The following TRMT11 variants were observed in gnomAD, a reference collection of about 807,000 sequenced individuals.
TRMT11 encodes tRNA (guanine(10)-N(2))-methyltransferase TRMT11.
In TRMT11, 53 loss-of-function variants were observed where a neutral mutation model predicts 62.8. The ratio of observed to expected loss-of-function variants is 0.84; its 90% confidence interval spans 0.68 to 1.06. The LOEUF (loss-of-function observed/expected upper bound fraction) is 1.06, where lower values mean the gene tolerates loss of function less well. TRMT11 is among the 50% of genes least tolerant of loss of function. The pLI, the probability that TRMT11 is intolerant of heterozygous loss-of-function variation, is 0.00. For synonymous variants in TRMT11, 188 were observed against 190.3 expected (o/e 0.99, Z 0.10); for missense variants, 556 against 553.4 (o/e 1.00, Z -0.05).
chr6:126,254,159 C>T, the TRMT11 span, among the ~76,000 whole-genome samples: 1 of 152,174 alleles, frequency 6.6e-6, no homozygotes, highest in Non-Finnish European at 1.5e-5. Flanking sequence ...CTTTAGTACA[C>T]AGAGAATGGC....
chr6:126,102,584 G>A (rs1777414403), intron 17 of TRMT11, among the ~76,000 whole-genome samples: 1 of 151,706 alleles, frequency 6.6e-6, no homozygotes, highest in Non-Finnish European at 1.5e-5. Context: ...AATCTTTATT[G>A]TCGTAAAAGT....
chr6:126,133,087 T>G (rs541078708), intron 21 of TRMT11, among the ~76,000 whole-genome samples: 1 of 152,086 alleles, frequency 6.6e-6, no homozygotes, highest in East Asian at 1.9e-4. Flanking sequence ...GGAAGTTGTG[T>G]TTTGCTGGAA....
At chr6:126,070,876 C>T (rs73594048) in intron 17 of TRMT11, among the ~76,000 whole-genome samples, 1,607 of 152,300 alleles carry the variant, frequency 0.011, 25 homozygotes, top group African/African-American at 0.037. Flanking sequence ...TGCCTAACAG[C>T]ACACACTTAC....
intron 21 of TRMT11, among the ~76,000 whole-genome samples, chr6:126,172,012 C>A (rs1166705615): frequency 1.3e-5 from 2 of 152,136 alleles, no homozygotes; most frequent in Non-Finnish European, 2.9e-5. Flanking sequence ...AGCCACCACA[C>A]CTGGCCTTTA....
intron 16 of TRMT11, among the ~76,000 whole-genome samples, chr6:126,052,201 G>A (rs1776239937): frequency 6.6e-6 from 1 of 152,304 alleles, no homozygotes; most frequent in East Asian, 1.9e-4. Context: ...TCTATTTGCC[G>A]TATAAGTTAG....
At chr6:126,139,732 A>G (rs1235272635) in intron 21 of TRMT11, among the ~76,000 whole-genome samples, 1 of 152,080 alleles carries the variant, frequency 6.6e-6, no homozygotes, top group Non-Finnish European at 1.5e-5. Context: ...TGTGTTTTAA[A>G]ATGTAAATAG....
intron 17 of TRMT11, among the ~76,000 whole-genome samples, chr6:126,087,911 C>T (rs577900153): frequency 6.6e-6 from 1 of 152,300 alleles, no homozygotes; most frequent in South Asian, 2.1e-4. Context: ...TTCTCCTGAC[C>T]TCCTTAAGAG....
At chr6:126,235,269 T>C in the TRMT11 span, among the ~76,000 whole-genome samples, 2 of 152,180 alleles carry the variant, frequency 1.3e-5, no homozygotes, top group Admixed American at 1.3e-4. Flanking sequence ...TGTAAATTAG[T>C]TCAACCATTG....
At chr6:126,254,667 G>A in the TRMT11 span, among the ~76,000 whole-genome samples, 3 of 151,918 alleles carry the variant, frequency 2.0e-5, no homozygotes, top group African/African-American at 4.8e-5. Context: ...CTCCCTCATC[G>A]CTATGTTTTA....
At chr6:126,124,797 A>G (rs550809249) in intron 21 of TRMT11, among the ~76,000 whole-genome samples, 26 of 152,042 alleles carry the variant, frequency 1.7e-4, no homozygotes, top group Non-Finnish European at 2.9e-4. Context: ...TTCAGCTAAC[A>G]CCATATTCCT....
intron 21 of TRMT11, among the ~76,000 whole-genome samples, chr6:126,152,926 G>A (rs1778075445): frequency 1.3e-5 from 2 of 152,174 alleles, no homozygotes; most frequent in Non-Finnish European, 2.9e-5. Flanking sequence ...TCCCACACTG[G>A]TTTTCAGAGA....
intron 17 of TRMT11, among the ~76,000 whole-genome samples, chr6:126,111,449 C>G (rs1225391346): frequency 1.3e-5 from 2 of 152,048 alleles, no homozygotes; most frequent in African/African-American, 4.8e-5. Flanking sequence ...TATTAAAAGT[C>G]TCTTAATAAC....
intron 1 of TRMT11, among the ~76,000 whole-genome samples, chr6:125,988,552 G>A (rs1298403405): frequency 6.6e-6 from 1 of 152,178 alleles, no homozygotes; most frequent in Non-Finnish European, 1.5e-5. Context: ...GTGTGGAGTA[G>A]TTGCCTGAGG....
Position 125,986,684 on chromosome 6 carries a change from G to GAGTGC in TRMT11, c.72+62_72+63insAGTGC, listed in dbSNP as rs1789684704. 5 of 1,475,780 alleles carry GAGTGC rather than the reference G, an allele frequency of 3.4e-6. No homozygotes were observed. In the East Asian group the frequency reaches 1.2e-4, roughly 36 times the overall value. 91.4% of individuals were successfully genotyped at this position (1,475,780 alleles called of 1,614,324 possible). On this transcript the variant is annotated intron_variant, in intron 1 of 12. Transcript: ENST00000334379. ...GAGGACGCTGGAGTGGAGTGGAGTG[G>GAGTGC]GTGGAGGTGATCTGCATAGCCCGAG... is the stretch of plus-strand genomic sequence containing the variant.
intron 17 of TRMT11, among the ~76,000 whole-genome samples, chr6:126,103,026 T>C (rs1777420244): frequency 6.6e-6 from 1 of 152,190 alleles, no homozygotes; most frequent in Non-Finnish European, 1.5e-5. Context: ...TTCTATTTCC[T>C]GTCTCAAATG....
intron 17 of TRMT11, among the ~76,000 whole-genome samples, chr6:126,081,523 C>G (rs1359532975): frequency 6.6e-6 from 1 of 152,068 alleles, no homozygotes; most frequent in African/African-American, 2.4e-5. Flanking sequence ...GGGACATAAA[C>G]CCTACAAAAA....
chr6:126,009,866 A>G (rs1436581080), intron 8 of TRMT11, among the ~76,000 whole-genome samples: 1 of 151,992 alleles, frequency 6.6e-6, no homozygotes, highest in Non-Finnish European at 1.5e-5. Flanking sequence ...TATGTTTGGA[A>G]ACTTATGTTG....
intron 21 of TRMT11, among the ~76,000 whole-genome samples, chr6:126,166,715 G>T (rs1778271005): frequency 6.6e-6 from 1 of 152,188 alleles, no homozygotes; most frequent in Non-Finnish European, 1.5e-5. Flanking sequence ...ACCCAGAGCT[G>T]CCCCTTCCCC....
intron 17 of TRMT11, among the ~76,000 whole-genome samples, chr6:126,104,083 C>G (rs1162084390): frequency 6.6e-6 from 1 of 152,196 alleles, no homozygotes; most frequent in Non-Finnish European, 1.5e-5. Context: ...TGATTCTGAT[C>G]TCCTTGTTTC....
Sources: allele counts gnomAD v4.1 joint callset (sites outside exome capture counted in the v4.1 genomes callset), GRCh38; gene constraint gnomAD v4.1.1; transcripts MANE v1.5; gene names NCBI Gene and HGNC (gene_info 2026-07-23, HGNC 2026-07-21).